DNAH6: variants seen among roughly 807,000 people sequenced by gnomAD.
DNAH6 encodes the protein axonemal beta dynein heavy chain 6.
Under a neutral mutation model 491.4 loss-of-function variants are expected in DNAH6, and 340 were observed. The ratio of observed to expected loss-of-function variants is 0.69; its 90% CI spans 0.63 to 0.76. The LOEUF (loss-of-function observed/expected upper bound fraction) is 0.76, where lower values mean the gene tolerates loss of function less well. Ranked by LOEUF, DNAH6 falls within the 30% of genes least tolerant of loss-of-function variation. The probability of loss-of-function intolerance (pLI) is 0.00; values close to 1 mark genes in which losing one functional copy is unlikely to be tolerated. For synonymous variants in DNAH6, 1,603 were observed against 1,686.1 expected, an observed-to-expected ratio of 0.95 and a Z score of 1.21; for missense variants, 4,443 against 4,972.2, an observed-to-expected ratio of 0.89 and a Z score of 3.20.
chr2:84,658,308 A>G lies in DNAH6; in HGVS notation c.5774A>G (p.Gln1925Arg), dbSNP rs1388164809. Residue 1925 changes from glutamine (Q) to arginine (R), a missense_variant, in exon 36 of 77, where the codon CAA becomes CGA. Transcript: ENST00000389394. ...CATTTTCAGCTGACTGAGGAAACCC[A>G]AGAATATATATTGAATCTTTTCCAA... ...GISKKLTEET[Q>R]EYILNLFQRY... 3.9e-6 allele frequency: 6 copies of G among 1,534,174 alleles called. No individual in the cohort carries two copies. Among genetic ancestry groups the G allele is most frequent in the Non-Finnish European group, 5.3e-6 (6 of 1,139,108 alleles).
At position 84,518,056 on chromosome 2, in the gene DNAH6, G is replaced by A; in HGVS notation, c.225+5G>A. 3 of 1,534,150 alleles carry A rather than the reference G, an allele frequency of 2.0e-6. No individual in the cohort carries two copies. Among genetic ancestry groups the A allele is most frequent in the Non-Finnish European group, 2.6e-6 (3 of 1,141,376 alleles). On this transcript the variant is annotated splice_donor_5th_base_variant and intron_variant, in intron 2 of 76. Coordinates refer to ENST00000389394, the MANE Select transcript of DNAH6 (RefSeq NM_001370.2). ...CCTATAAAACTAGAGCCTTTGGTAA[G>A]TTCAAAAACCATTGTTTTAGCCTCT...
chr2:84,712,049 A>G (rs1165657219), intron 56 of DNAH6, among the ~76,000 whole-genome samples: 1 of 152,170 alleles, frequency 6.6e-6, no homozygotes, highest in African/African-American at 2.4e-5. Flanking sequence ...CCCAGCCAGG[A>G]ACAGGACACT....
intron 63 of DNAH6, among the ~76,000 whole-genome samples, chr2:84,749,565 G>T (rs1673275131): frequency 1.3e-5 from 2 of 152,238 alleles, no homozygotes; most frequent in South Asian, 2.1e-4. Flanking sequence ...GCAAGGTTAG[G>T]CTGTTGGATG....
chr2:84,707,913 C>T (rs1696636784), intron 54 of DNAH6, among the ~76,000 whole-genome samples, 197 bp downstream of exon 54: 1 of 152,214 alleles, frequency 6.6e-6, no homozygotes, highest in Admixed American at 6.5e-5. Context: ...TTAACACGTT[C>T]CTCCCTTTCC....
the DNAH6 span, among the ~76,000 whole-genome samples, chr2:84,474,453 C>G: frequency 6.6e-6 from 1 of 152,192 alleles, no homozygotes; most frequent in African/African-American, 2.4e-5. Flanking sequence ...AAAAATGACA[C>G]CCCAATCCGG....
intron 29 of DNAH6, among the ~76,000 whole-genome samples, chr2:84,629,124 A>G (rs1688156346): frequency 6.6e-6 from 1 of 151,954 alleles, no homozygotes; most frequent in Admixed American, 6.6e-5. Flanking sequence ...ATTCGTTTTC[A>G]CTGCTCTGTT....
intron 36 of DNAH6, among the ~76,000 whole-genome samples, chr2:84,658,757 A>G (rs1691213699): frequency 6.6e-6 from 1 of 152,074 alleles, no homozygotes; most frequent in South Asian, 2.1e-4. Flanking sequence ...CAGGCATTTA[A>G]AAAGTTATAA....
chr2:84,705,252 T>C (rs1041918254), intron 51 of DNAH6, among the ~76,000 whole-genome samples: 1 of 152,186 alleles, frequency 6.6e-6, no homozygotes, highest in African/African-American at 2.4e-5. Flanking sequence ...AAAACTGTGA[T>C]TTTGTAATTC....
chr2:84,785,123 G>A (rs954017070), intron 66 of DNAH6, among the ~76,000 whole-genome samples: 3 of 152,162 alleles, frequency 2.0e-5, no homozygotes, highest in African/African-American at 7.2e-5. Context: ...TTGAGAGACA[G>A]GAAGGCCTAC....
intron 16 of DNAH6, among the ~76,000 whole-genome samples, chr2:84,589,798 C>G (rs961750966): frequency 4.0e-5 from 6 of 151,366 alleles, no homozygotes; most frequent in African/African-American, 1.5e-4. Context: ...GTAAGAGATG[C>G]AGGTGCTTTC....
chr2:84,676,310 A>G (rs539565217), intron 40 of DNAH6, among the ~76,000 whole-genome samples: 7 of 152,064 alleles, frequency 4.6e-5, no homozygotes, highest in Non-Finnish European at 7.4e-5. Flanking sequence ...ACACTTTCAC[A>G]TTTTTGTGCC....
At chr2:84,498,355 T>C in the DNAH6 span, among the ~76,000 whole-genome samples, 1 of 152,234 alleles carries the variant, frequency 6.6e-6, no homozygotes, top group Non-Finnish European at 1.5e-5. Flanking sequence ...CACCTGGCCC[T>C]GATGTATTGC....
At chr2:84,608,966 A>C (rs529496858) in intron 21 of DNAH6, among the ~76,000 whole-genome samples, 13 of 152,352 alleles carry the variant, frequency 8.5e-5, no homozygotes, top group African/African-American at 2.9e-4. Context: ...CTGCAGCTTC[A>C]TCAGCACTTG....
At chr2:84,786,521 G>A (rs1158951223) in intron 67 of DNAH6, among the ~76,000 whole-genome samples, 8 of 152,088 alleles carry the variant, frequency 5.3e-5, no homozygotes, top group Non-Finnish European at 1.2e-4. Context: ...CAGAGGTTCT[G>A]GGTGAGGCCC....
chr2:84,643,898 G>GTT (rs1553453872), intron 33 of DNAH6, among the ~76,000 whole-genome samples: 3 of 148,538 alleles, frequency 2.0e-5, no homozygotes, highest in African/African-American at 2.5e-5. Flanking sequence ...TTCAAATTGT[G>GTT]TTTTTTTTTG....
At chr2:84,536,598 TAA>T (rs1677712319) in intron 4 of DNAH6, among the ~76,000 whole-genome samples, 1 of 152,032 alleles carries the variant, frequency 6.6e-6, no homozygotes, top group African/African-American at 2.4e-5. Flanking sequence ...CTGTTAGAGT[TAA>T]AGAGTGGTGG....
At chr2:84,676,818 G>T (rs571206655) in intron 40 of DNAH6, among the ~76,000 whole-genome samples, 187 bp from the exon 41 acceptor site, 1 of 152,282 alleles carries the variant, frequency 6.6e-6, no homozygotes, top group Admixed American at 6.5e-5. Flanking sequence ...CCAGGGCCTT[G>T]GTTTTTTAAT....
At chr2:84,573,174 A>G (rs920228542) in intron 11 of DNAH6, among the ~76,000 whole-genome samples, 4 of 152,256 alleles carry the variant, frequency 2.6e-5, no homozygotes, top group Non-Finnish European at 2.9e-5. Context: ...CTAGCAATAT[A>G]TAAGTTCACC....
chr2:84,597,467 T>C (rs1573157122), intron 18 of DNAH6, among the ~76,000 whole-genome samples: 1 of 152,310 alleles, frequency 6.6e-6, no homozygotes, highest in East Asian at 1.9e-4. Context: ...ATAAGTGTTG[T>C]AGGGAATATG....
Sources: allele counts gnomAD v4.1 joint callset (sites outside exome capture counted in the v4.1 genomes callset), GRCh38; gene constraint gnomAD v4.1.1; transcripts MANE v1.5; gene names NCBI Gene and HGNC (gene_info 2026-07-23, HGNC 2026-07-21).